The following DMBT1 variants were observed in gnomAD, a reference collection of about 807,000 sequenced individuals.
DMBT1 encodes the protein scavenger receptor cysteine-rich domain-containing protein DMBT1.
Under a neutral mutation model 252.9 loss-of-function variants are expected in DMBT1, and 198 were observed. The ratio of observed to expected loss-of-function variants is 0.78; its 90% CI spans 0.70 to 0.88. DMBT1 has a LOEUF of 0.88. Among genes scored for constraint, DMBT1 ranks in the 40% least tolerant of loss-of-function variants. The probability of loss-of-function intolerance (pLI) is 0.00; values close to 1 mark genes in which losing one functional copy is unlikely to be tolerated. For missense variants in DMBT1, 2,432 were observed against 2,404.7 expected (o/e 1.01, Z -0.24); for synonymous variants, 990 against 942.7 (o/e 1.05, Z -0.92).
intron 40 of DMBT1, among the ~76,000 whole-genome samples, chr10:122,617,593 A>G (rs1565864657): frequency 6.6e-6 from 1 of 151,582 alleles, no homozygotes; most frequent in Non-Finnish European, 1.5e-5. Flanking sequence ...GGGTGGGTGA[A>G]AATTTCTGTC....
chr10:122,566,487 T>G (rs4630232), intron 2 of DMBT1, among the ~76,000 whole-genome samples: 77,445 of 151,328 alleles, frequency 0.51, 20,262 homozygotes, highest in Admixed American at 0.58. Flanking sequence ...AATTTTTGTA[T>G]TTTTAGTAGA....
rs371733257 is a variant in DMBT1 at position 122,631,878 on chromosome 10, A to T, written c.6367+3A>T. On this transcript the variant is annotated splice_donor_region_variant and intron_variant, in intron 50 of 55. Transcript: ENST00000338354. The stretch of plus-strand genomic sequence containing the variant: ...AGGAAACCATCTATCGACACCTGGT[A>T]AGTCCCTCCGATTTCCATTCCACTT... 1.7e-5 allele frequency: 27 copies of T among 1,613,812 alleles called. No individual in the cohort carries two copies. Among genetic ancestry groups the T allele is most frequent in the Non-Finnish European group, 2.3e-5 (27 of 1,179,794 alleles).
rs774229919 is a variant in DMBT1, at chr10:122,579,665, G to A, written c.767G>A (p.Gly256Asp). 2.5e-6 allele frequency: 4 copies of A among 1,613,852 alleles called. No individual in the cohort carries two copies. The highest frequency in any genetic ancestry group is 1.1e-5 in the South Asian group (1 of 91,076). The change falls in exon 10 of 56, where the codon GGC becomes GAC. Residue 256 changes from glycine to aspartate, a missense_variant. Gly to Asp is a moderately conservative substitution (Grantham distance 94). This residue lies in a region of DMBT1 where 1,264 missense variants were observed against 1,082.2 expected (regional missense o/e 1.17). Transcript: ENST00000338354. ...GAGGTCCTATACCGAGGCTCCTGGG[G>A]CACCGTGTGTGATGACTACTGGGAC... ...RVEVLYRGSWGTVCDDYWDTN... is the reference protein window; with the variant it reads ...RVEVLYRGSWDTVCDDYWDTN...
In DMBT1 at chr10:122,629,984, G is replaced by T. The variant is rs776606070; in HGVS notation, c.5813G>T (p.Ser1938Ile). The change falls in exon 47 of 56, where the codon AGT becomes ATT. Residue 1938 changes from serine to isoleucine, a missense_variant. This residue lies in a region of DMBT1 where 1,162 missense variants were observed against 1,169.0 expected (regional missense o/e 0.99). Transcript: ENST00000338354. Reference sequence around the variant, plus strand: ...GGTTATCGCATAAACCTGGGCTTCAGTAATCTGAAGTAAGTAATGCCTGGT... The same window carrying T: ...GGTTATCGCATAAACCTGGGCTTCATTAATCTGAAGTAAGTAATGCCTGGT... ...NSGYRINLGF[S>I]NLKLEAHHNC... The T allele has an allele frequency of 1.6e-5, 26 of 1,613,874 alleles. No individual in the cohort carries two copies. Among genetic ancestry groups the T allele is most frequent in the Non-Finnish European group, 8.5e-7 (1 of 1,179,900 alleles).
intron 47 of DMBT1, 141 bp downstream of exon 47, chr10:122,630,134 G>A: frequency 7.2e-7 from 1 of 1,382,800 alleles, no homozygotes; most frequent in Non-Finnish European, 1.0e-6. Flanking sequence ...CTACCATAAA[G>A]CATCAGGGAA....
intron 54 of DMBT1, 39 bp downstream of exon 54, chr10:122,637,351 AG>A (rs766713470): frequency 2.6e-5 from 41 of 1,547,808 alleles, no homozygotes; most frequent in Non-Finnish European, 3.6e-5. Context: ...CCAGTGCACA[AG>A]CTTTCTTAGA....
intron 2 of DMBT1, among the ~76,000 whole-genome samples, chr10:122,569,118 A>G (rs2097635320): frequency 2.2e-5 from 3 of 138,028 alleles, no homozygotes; most frequent in African/African-American, 5.4e-5. Flanking sequence ...AAAGCTGGAT[A>G]TAGTGGAGGC....
chr10:122,565,865 G>A, intron 1 of DMBT1, 102 bp from the exon 2 acceptor site: 3 of 1,110,462 alleles, frequency 2.7e-6, no homozygotes, highest in Non-Finnish European at 4.1e-6. Context: ...GAGCCACAGC[G>A]CCCTCTGGTG....
Position 122,586,327 on chromosome 10 carries a change from A to G in DMBT1, c.1727A>G (p.Asn576Ser), listed in dbSNP as rs1344239068. ...NESYLWSCPH[N>S]GWLSHNCGHS... ...TCCTACTTGTGGAGCTGCCCCCACA[A>G]TGGCTGGCTCTCCCATAACTGTGGC... The change falls in exon 16 of 56, where the codon AAT becomes AGT. Residue 576 changes from asparagine (N) to serine (S), a missense_variant. By Grantham distance (46) the Asn-to-Ser change is conservative. Around this residue, in one of 3 missense-constraint regions of DMBT1, gnomAD observed 1,264 missense variants for 1,082.2 expected, o/e 1.17. Transcript: ENST00000338354. 1 of 1,588,692 alleles carries G rather than the reference A, an allele frequency of 6.3e-7. No homozygotes were observed.
chr10:122,591,090 G>A lies in DMBT1; in HGVS notation c.2138-389G>A, dbSNP rs573111076. The stretch of plus-strand genomic sequence containing the variant: ...AGGGAGAGCGATATTAGATATTTCC[G>A]TTGCCTCCACTTGCCAGGAGACTTT... On this transcript the variant is annotated intron_variant, in intron 18 of 55. Transcript: ENST00000338354. Among the ~76,000 whole-genome samples the A allele has an allele frequency of 2.8e-4, 41 of 148,616 alleles. 3 individuals are homozygous for A. The highest frequency in any genetic ancestry group is 4.6e-4 in the South Asian group (2 of 4,362).
intron 19 of DMBT1, 99 bp from the exon 20 acceptor site, chr10:122,592,173 G>A: frequency 6.6e-7 from 1 of 1,517,462 alleles, no homozygotes; most frequent in Non-Finnish European, 8.9e-7. Flanking sequence ...TGCTTGTCCA[G>A]GCGACCTTGG....
At chr10:122,641,011 A>G (rs2133702642) in intron 55 of DMBT1, among the ~76,000 whole-genome samples, 1 of 152,312 alleles carries the variant, frequency 6.6e-6, no homozygotes, top group East Asian at 1.9e-4. Flanking sequence ...TGTGGCACTG[A>G]GCACAGAGAG....
At chr10:122,567,238 G>T (rs2097603112) in intron 2 of DMBT1, among the ~76,000 whole-genome samples, 1 of 152,216 alleles carries the variant, frequency 6.6e-6, no homozygotes, top group Non-Finnish European at 1.5e-5. Flanking sequence ...CTCCTGGAGG[G>T]ACCATTCACA....
chr10:122,634,388 CTTTCTT>C (rs1370689356), intron 52 of DMBT1, among the ~76,000 whole-genome samples: 4 of 136,526 alleles, frequency 2.9e-5, no homozygotes, highest in African/African-American at 1.1e-4. Flanking sequence ...TTCTTTCTTT[CTTTCTT>C]TCTTTCTTTT....
At chr10:122,630,632 T>C (rs778056254) in intron 48 of DMBT1, 142 bp downstream of exon 48, 50 of 968,532 alleles carry the variant, frequency 5.2e-5, no homozygotes, top group Non-Finnish European at 6.8e-5. Context: ...ACTGACTGTG[T>C]GGGCAGGCCC....
intron 20 of DMBT1, among the ~76,000 whole-genome samples, chr10:122,592,906 C>T (rs1414082562): frequency 1.3e-5 from 2 of 148,462 alleles, no homozygotes; most frequent in Non-Finnish European, 1.5e-5. Context: ...CTGAGTAGCA[C>T]TGGGTGAGGG....
chr10:122,561,634 C>T (rs762019534), intron 1 of DMBT1, among the ~76,000 whole-genome samples: 1 of 115,646 alleles, frequency 8.6e-6, no homozygotes, highest in Admixed American at 9.8e-5. Flanking sequence ...TCTCCCCTCT[C>T]TCTCCCTCTG....
In DMBT1 at chr10:122,589,082, G is replaced by A; in HGVS notation, c.1922G>A (p.Arg641Lys). Residue 641 changes from arginine (R) to lysine (K), a missense_variant, in exon 17 of 56, where the codon AGG becomes AAG. Physicochemically the swap from Arg to Lys is conservative, Grantham distance 26. Transcript: ENST00000338354. ...WDTNDANVVC[R>K]QLGCGWATSA... Reference sequence around the variant, plus strand: ...ACCAATGATGCCAATGTGGTCTGCAGGCAGCTGGGCTGTGGCTGGGCCACG... The same window carrying A: ...ACCAATGATGCCAATGTGGTCTGCAAGCAGCTGGGCTGTGGCTGGGCCACG... The A allele has an allele frequency of 1.9e-6, 3 of 1,588,776 alleles. 1 individual carries two copies. Among genetic ancestry groups the A allele is most frequent in the South Asian group, 1.2e-5 (1 of 86,930 alleles).
rs1219488359 is a variant in DMBT1, at chr10:122,594,259, CAGAT to C, written c.2531-233_2531-230del. Among the ~76,000 whole-genome samples the C allele has an allele frequency of 1.7e-3, 222 of 133,978 alleles. 4 individuals are homozygous for C. The highest frequency in any genetic ancestry group is 5.3e-3 in the African/African-American group (207 of 38,694). The allele number at this position is 133,978 out of a possible 152,430, so 87.9% of individuals were successfully genotyped here. Reference sequence around the variant, plus strand: ...ATGGCATGGTGGGGGCATCCTCTAACAGATAGAAAGATACCCCAGGATTAGAGAA... The same window carrying C: ...ATGGCATGGTGGGGGCATCCTCTAACAGAAAGATACCCCAGGATTAGAGAA... On this transcript the variant is annotated intron_variant, in intron 21 of 55. Transcript: ENST00000338354.
Sources: allele counts gnomAD v4.1 joint callset (sites outside exome capture counted in the v4.1 genomes callset), GRCh38; gene constraint gnomAD v4.1.1; regional missense constraint gnomAD v4.1.1; transcripts MANE v1.5; gene names NCBI Gene and HGNC (gene_info 2026-07-23, HGNC 2026-07-21).